The following ZSWIM8 variants were observed in gnomAD, a reference collection of about 807,000 sequenced individuals.
ZSWIM8 encodes the protein zinc finger SWIM domain-containing protein 8.
A neutral mutation model predicts 173.7 loss-of-function variants in ZSWIM8; 27 were observed. The ratio of observed to expected loss-of-function variants is 0.16; its 90% CI spans 0.11 to 0.21. The LOEUF is 0.21. Ranked by LOEUF, ZSWIM8 falls within the 10% of genes least tolerant of loss-of-function variation. The pLI is 1.00. For synonymous variants in ZSWIM8, 958 were observed against 962.0 expected (o/e 1.00, Z 0.08); for missense variants, 1,627 against 2,428.8 (o/e 0.67, Z 6.94).
At position 73,798,995 on chromosome 10, in the gene ZSWIM8, C is replaced by G; in HGVS notation, c.4177-7C>G. ...CCCCCTTAACACTCTGTGCCCCTCT[C>G]TTCCAGGACAACCTGATGTTGGAGA... is the stretch of plus-strand genomic sequence containing the variant. On this transcript the variant is annotated splice_region_variant and splice_polypyrimidine_tract_variant and intron_variant, in intron 20 of 25. Transcript: ENST00000604729. 6.2e-7 allele frequency: 1 copy of G among 1,602,284 alleles called. No individual in the cohort carries two copies. The highest frequency in any genetic ancestry group is 1.1e-5 in the South Asian group (1 of 89,256).
In ZSWIM8 at chr10:73,791,311, T is replaced by C; in HGVS notation, c.1144-13T>C. 2.5e-6 allele frequency: 4 copies of C among 1,594,942 alleles called. No individual in the cohort carries two copies. Among genetic ancestry groups the C allele is most frequent in the Non-Finnish European group, 3.4e-6 (4 of 1,164,822 alleles). On this transcript the variant is annotated splice_polypyrimidine_tract_variant and intron_variant, in intron 8 of 25. Transcript: ENST00000604729. The surrounding 1 kb of genome is among the most constrained non-coding windows in gnomAD (Gnocchi z 6.0). ...AGCTCTCAGGTGCAGCTCACAGCCTTCTTTGTCTCCAGATAACAGGTTGGT... is the reference window on the plus strand; with the variant it reads ...AGCTCTCAGGTGCAGCTCACAGCCTCCTTTGTCTCCAGATAACAGGTTGGT...
At position 73,790,036 on chromosome 10, in the gene ZSWIM8, G is replaced by A. The variant is rs746845813; in HGVS notation, c.819G>A (p.Pro273=). ...STAINTVCGA[P]DPTAGPSASD... is the part of the protein sequence containing the mutation. ...CCATCAATACAGTGTGTGGAGCTCC[G>A]GGTGAGTGTGGTGAGAAAGATTGGC... Residue 273 remains proline, a splice_region_variant and synonymous_variant, in exon 6 of 26, where the codon CCG becomes CCA. Coordinates refer to ENST00000604729, the MANE Select transcript of ZSWIM8 (RefSeq NM_001367799.1). The A allele has an allele frequency of 2.7e-5, 43 of 1,611,258 alleles. No individual in the cohort carries two copies. Among genetic ancestry groups the A allele is most frequent in the Admixed American group, 6.7e-5 (4 of 59,468 alleles).
At chr10:73,799,886 C>G in intron 21 of ZSWIM8, 125 bp from the exon 22 acceptor site, 1 of 989,528 alleles carries the variant, frequency 1.0e-6, no homozygotes, top group Non-Finnish European at 1.5e-6. Context: ...GCACTCCAGC[C>G]TGGAGGACAG....
In ZSWIM8 at chr10:73,801,731, G is replaced by C. The variant is rs1362892748; in HGVS notation, c.*212G>C. ...GGGAGACAGCCCTGTCTGGGAGGGG[G>C]CGTTGGGTGGCCTCTGGTATTTATT... On this transcript the variant is annotated 3_prime_UTR_variant, in exon 26 of 26. Coordinates refer to ENST00000604729, the MANE Select transcript of ZSWIM8 (RefSeq NM_001367799.1). This position sits in a 1 kb window ranked among gnomAD's most constrained non-coding sequence, Gnocchi z 4.9. 1 of 1,528,916 alleles carries C rather than the reference G, an allele frequency of 6.5e-7. No individual in the cohort carries two copies. The highest frequency in any genetic ancestry group is 8.7e-7 in the Non-Finnish European group (1 of 1,143,448). 94.7% of individuals were successfully genotyped at this position (1,528,916 alleles called of 1,614,324 possible). A position where few individuals can be genotyped will look rare whatever the true frequency, so the allele number is the denominator to read the frequency against.
rs1208999483 is a variant in ZSWIM8 at position 73,792,640 on chromosome 10, G to C, written c.2101G>C (p.Asp701His). The change falls in exon 10 of 26, where the codon GAC becomes CAC. Residue 701 changes from aspartate to histidine, a missense_variant. Transcript: ENST00000604729. The surrounding 1 kb of genome is among the most constrained non-coding windows in gnomAD (Gnocchi z 4.3). Reference sequence around the variant, plus strand: ...GCCTGGGGATGTCTGTACCCAGGACGACCTCCCTTCTACAGATGAGAGTGG... The same window carrying C: ...GCCTGGGGATGTCTGTACCCAGGACCACCTCCCTTCTACAGATGAGAGTGG... ...LLPGDVCTQD[D>H]LPSTDESGNG... 2 of 1,613,886 alleles carry C rather than the reference G, an allele frequency of 1.2e-6. No individual in the cohort carries two copies. Among genetic ancestry groups the C allele is most frequent in the Non-Finnish European group, 1.7e-6 (2 of 1,179,888 alleles).
At position 73,788,629 on chromosome 10, in the gene ZSWIM8, T is replaced by G. The variant is rs767030655; in HGVS notation, c.209-41T>G. On this transcript the variant is annotated intron_variant, in intron 1 of 25. Coordinates refer to ENST00000604729, the MANE Select transcript of ZSWIM8 (RefSeq NM_001367799.1). Reference sequence around the variant, plus strand: ...CCAAGAGACCATGGCCCTTTTCATTTCCTATTCTCTTTCCCCTGATCCCAA... The same window carrying G: ...CCAAGAGACCATGGCCCTTTTCATTGCCTATTCTCTTTCCCCTGATCCCAA... 3.1e-6 allele frequency: 5 copies of G among 1,607,024 alleles called. No homozygotes were observed. The Admixed American group carries it at 6.7e-5, about 22-fold the overall frequency.
At position 73,792,792 on chromosome 10, in the gene ZSWIM8, T is replaced by G; in HGVS notation, c.2253T>G (p.Ala751=). ...AGGAAGAGAAGGCCGAGGGCGGGGC[T>G]GGGGAGGAGCACGACCTGTTTGCTG... ...GGEEEKAEGG[A]GEEHDLFAGL... Residue 751 remains alanine, a synonymous_variant, in exon 10 of 26, where the codon GCT becomes GCG. Transcript: ENST00000604729. The surrounding 1 kb of genome is among the most constrained non-coding windows in gnomAD (Gnocchi z 4.3). 1 of 1,605,524 alleles carries G rather than the reference T, an allele frequency of 6.2e-7. No individual in the cohort carries two copies.
chr10:73,795,679 T>G lies in ZSWIM8; in HGVS notation c.3033+16T>G, dbSNP rs776443222. The G allele has an allele frequency of 3.8e-5, 61 of 1,607,738 alleles. No homozygotes were observed. In the Middle Eastern group the frequency reaches 5.3e-4, roughly 14 times the overall value. On this transcript the variant is annotated intron_variant, in intron 15 of 25. Transcript: ENST00000604729. The stretch of plus-strand genomic sequence containing the variant: ...GCTTAAGAAGGTAAGAGACTGGGGC[T>G]GGGTGCGGTGGCTCATGCCTGTAAT...
chr10:73,788,982 G>A (rs901982631), intron 2 of ZSWIM8, 114 bp from the exon 3 acceptor site: 62 of 983,098 alleles, frequency 6.3e-5, no homozygotes, highest in Middle Eastern at 3.1e-4. Flanking sequence ...CCCACCCCCC[G>A]CCCTGGGGAA....
chr10:73,799,210 C>A lies in ZSWIM8; in HGVS notation c.4385C>A (p.Pro1462His). Residue 1462 changes from proline (P) to histidine (H), a missense_variant, in exon 21 of 26, where the codon CCT becomes CAT. Physicochemically the swap from Pro to His is moderately conservative, Grantham distance 77 (BLOSUM62 -2). Transcript: ENST00000604729. ...RAGGEAGRGM[P>H]EGRGGPGTEP... The stretch of plus-strand genomic sequence containing the variant: ...GGTGGGGAAGCTGGGCGGGGTATGC[C>A]TGAGGGTAGAGGGGGCCCAGGGACT... 1 of 1,607,388 alleles carries A rather than the reference C, an allele frequency of 6.2e-7. No homozygotes were observed. The highest frequency in any genetic ancestry group is 8.5e-7 in the Non-Finnish European group (1 of 1,176,826).
At position 73,800,359 on chromosome 10, in the gene ZSWIM8, C is replaced by A; in HGVS notation, c.4889C>A (p.Thr1630Asn). The A allele has an allele frequency of 6.2e-7, 1 of 1,613,984 alleles. No individual in the cohort carries two copies. Among genetic ancestry groups the A allele is most frequent in the Non-Finnish European group, 8.5e-7 (1 of 1,179,878 alleles). ...AIQGASLPAL[T>N]TQPSPLVSGG... ...CAAGGTGCCTCACTGCCTGCCCTGA[C>A]CACACAGCCCAGCCCTCTGGTGAGC... Residue 1630 changes from threonine to asparagine, a missense_variant, in exon 23 of 26, where the codon ACC becomes AAC. By Grantham distance (65) the Thr-to-Asn change is moderately conservative. Around this residue, in one of 18 missense-constraint regions of ZSWIM8, gnomAD observed 275 missense variants for 290.1 expected, o/e 0.95. Coordinates refer to ENST00000604729, the MANE Select transcript of ZSWIM8 (RefSeq NM_001367799.1). This position sits in a 1 kb window ranked among gnomAD's most constrained non-coding sequence, Gnocchi z 4.1.
chr10:73,793,866 G>A lies in ZSWIM8; in HGVS notation c.2447G>A (p.Gly816Asp). 6.2e-7 allele frequency: 1 copy of A among 1,604,288 alleles called. No individual in the cohort carries two copies. Among genetic ancestry groups the A allele is most frequent in the South Asian group, 1.1e-5 (1 of 89,992 alleles). Residue 816 changes from glycine to aspartate, a missense_variant and splice_region_variant, in exon 12 of 26, where the codon GGC becomes GAC. Physicochemically the swap from Gly to Asp is moderately conservative, Grantham distance 94 (BLOSUM62 -1). This residue lies in a region of ZSWIM8 where 169 missense variants were observed against 235.3 expected (regional missense o/e 0.72). Transcript: ENST00000604729. ...CTCCTGTGTTTCTTCCCTTTCTAGG[G>A]CAAGAAGAACAAGGTATCCACGAGC... Reference protein sequence around the residue: ...DLKVEPPPAKGKKNKVSTSRQ... With the variant: ...DLKVEPPPAKDKKNKVSTSRQ...
chr10:73,797,555 C>T lies in ZSWIM8; in HGVS notation c.3612C>T (p.Arg1204=), dbSNP rs2083723455. The part of the protein sequence containing the change: ...SLGSSSSSGS[R]RASASGGARA... ...GCTCCTCATCCTCCAGTGGAAGTCG[C>T]CGGGCCAGTGCCAGTGGAGGAGCCC... Residue 1204 remains arginine, a synonymous_variant, in exon 18 of 26, where the codon CGC becomes CGT. Coordinates refer to ENST00000604729, the MANE Select transcript of ZSWIM8 (RefSeq NM_001367799.1). The surrounding 1 kb of genome is among the most constrained non-coding windows in gnomAD (Gnocchi z 5.6). 6.2e-7 allele frequency: 1 copy of T among 1,613,986 alleles called. No homozygotes were observed.
At position 73,785,606 on chromosome 10, in the gene ZSWIM8, AGCCGCCTAGAGGCCCCAGCC is replaced by A; in HGVS notation, c.-268_-249del. 1 of 534,186 alleles carries A rather than the reference AGCCGCCTAGAGGCCCCAGCC, an allele frequency of 1.9e-6. No individual in the cohort carries two copies. Among genetic ancestry groups the A allele is most frequent in the Non-Finnish European group, 3.6e-6 (1 of 278,494 alleles). The allele number at this position is 534,186 out of a possible 1,614,324, so 33.1% of individuals were successfully genotyped here. On this transcript the variant is annotated 5_prime_UTR_variant, in exon 1 of 26. Transcript: ENST00000604729. ...CAGCTGATGGGGGAGGCGGCTCCGCAGCCGCCTAGAGGCCCCAGCCGCCGAGCGCTTCGTCCCGGCCCTAA... is the reference window on the plus strand; with the variant it reads ...CAGCTGATGGGGGAGGCGGCTCCGCAGCCGAGCGCTTCGTCCCGGCCCTAA...
At position 73,791,096 on chromosome 10, in the gene ZSWIM8, C is replaced by T; in HGVS notation, c.1063C>T (p.Arg355Trp). The T allele has an allele frequency of 1.2e-6, 2 of 1,613,864 alleles. No homozygotes were observed. The highest frequency in any genetic ancestry group is 1.7e-6 in the Non-Finnish European group (2 of 1,179,836). The change falls in exon 8 of 26, where the codon CGG becomes TGG. Residue 355 changes from arginine to tryptophan, a missense_variant. This residue lies in a region of ZSWIM8 where 38 missense variants were observed against 106.1 expected (regional missense o/e 0.36). Coordinates refer to ENST00000604729, the MANE Select transcript of ZSWIM8 (RefSeq NM_001367799.1). The surrounding 1 kb of genome is among the most constrained non-coding windows in gnomAD (Gnocchi z 6.0). The part of the protein sequence containing the change: ...EGVWNLLSIV[R>W]EMFKRRDSNA... ...CGTCTGGAACCTGCTAAGCATTGTG[C>T]GGGAGATGTTCAAGCGGAGGGACAG... is the stretch of plus-strand genomic sequence containing the variant.
chr10:73,786,368 T>C (rs895247752), intron 1 of ZSWIM8: 1 of 379,092 alleles, frequency 2.6e-6, no homozygotes, highest in South Asian at 1.0e-4. Context: ...GTGCGCGCGC[T>C]GTGACAGGGA....
At position 73,789,869 on chromosome 10, in the gene ZSWIM8, G is replaced by A; in HGVS notation, c.738+45G>A. ...CCTCCTGCAATTAGCTCCGGGCCAG[G>A]CCGCATAACAGCCTTCCTGTTAGGC... On this transcript the variant is annotated intron_variant, in intron 5 of 25. Transcript: ENST00000604729. This position sits in a 1 kb window ranked among gnomAD's most constrained non-coding sequence, Gnocchi z 6.8. The A allele has an allele frequency of 3.2e-6, 5 of 1,583,762 alleles. No homozygotes were observed. Among genetic ancestry groups the A allele is most frequent in the Non-Finnish European group, 4.3e-6 (5 of 1,163,812 alleles).
At chr10:73,790,102 C>A in intron 6 of ZSWIM8, 65 bp downstream of exon 6, 1 of 1,610,858 alleles carries the variant, frequency 6.2e-7, no homozygotes, top group Non-Finnish European at 8.5e-7. Context: ...GCGCCATTTA[C>A]TCAAGGCTTG....
intron 20 of ZSWIM8, 47 bp from the exon 21 acceptor site, chr10:73,798,953 ATG>A (rs1452622577): frequency 8.4e-6 from 13 of 1,554,040 alleles, no homozygotes; most frequent in Non-Finnish European, 1.1e-5. Context: ...AACACCTTCC[ATG>A]TGGTAAAGGC....
Sources: allele counts gnomAD v4.1 joint callset, GRCh38; gene constraint gnomAD v4.1.1; regional missense constraint gnomAD v4.1.1; non-coding constraint Gnocchi (gnomAD v3.1); transcripts MANE v1.5; gene names NCBI Gene and HGNC (gene_info 2026-07-23, HGNC 2026-07-21).